LYPD1: variants seen among roughly 807,000 people sequenced by gnomAD.
LYPD1 encodes the protein ly6/PLAUR domain-containing protein 1.
LYPD1 carries 14 observed loss-of-function variants against 14.2 expected under a neutral mutation model. The ratio of observed to expected loss-of-function variants is 0.99; its 90% CI spans 0.65 to 1.54. LYPD1 has a LOEUF of 1.54. LYPD1 is among the 40% of genes most tolerant of loss of function. The pLI, the probability that LYPD1 is intolerant of heterozygous loss-of-function variation, is 0.00. For missense variants in LYPD1, 165 were observed against 175.7 expected, an observed-to-expected ratio of 0.94 and a Z score of 0.34; for synonymous variants, 85 against 70.6, an observed-to-expected ratio of 1.20 and a Z score of -1.02.
intron 2 of LYPD1, among the ~76,000 whole-genome samples, chr2:132,649,833 A>G (rs559201641): frequency 3.4e-4 from 51 of 151,696 alleles, no homozygotes; most frequent in African/African-American, 1.1e-3. Context: ...ATGTTGGGGG[A>G]TAAAAACCCC....
chr2:132,670,109 GC>G lies in LYPD1; in HGVS notation c.-178del. On this transcript the variant is annotated 5_prime_UTR_variant, in exon 1 of 3. Coordinates refer to ENST00000397463, the MANE Select transcript of LYPD1 (RefSeq NM_144586.7). The surrounding 1 kb of genome is among the most constrained non-coding windows in gnomAD (Gnocchi z 4.5). ...AGGTGCCGCTCGCGGAGCCTGCATC[GC>G]CCGCGCTCGGGCTCCCGGCTGCGGG... 1 of 1,429,082 alleles carries G rather than the reference GC, an allele frequency of 7.0e-7. No individual in the cohort carries two copies. Among genetic ancestry groups the G allele is most frequent in the Non-Finnish European group, 9.1e-7 (1 of 1,101,900 alleles). 88.5% of individuals were successfully genotyped at this position (1,429,082 alleles called of 1,614,324 possible).
In LYPD1 at chr2:132,645,031, A is replaced by T; in HGVS notation, c.*1014T>A. ...GAGGGGCTAAATATTTTATGGTTTT[A>T]TTCATTTACTGTGTTCTCATGCTGT... On this transcript the variant is annotated 3_prime_UTR_variant, in exon 3 of 3. Coordinates refer to ENST00000397463, the MANE Select transcript of LYPD1 (RefSeq NM_144586.7). 1.3e-6 allele frequency: 2 copies of T among 1,508,642 alleles called. No individual in the cohort carries two copies. Among genetic ancestry groups the T allele is most frequent in the Non-Finnish European group, 1.8e-6 (2 of 1,117,346 alleles). 93.5% of individuals were successfully genotyped at this position (1,508,642 alleles called of 1,614,324 possible).
chr2:132,655,441 G>A (rs2435612), intron 2 of LYPD1, among the ~76,000 whole-genome samples: 91,307 of 151,000 alleles, frequency 0.6, 27,794 homozygotes, highest in East Asian at 0.67. Flanking sequence ...CCCAGTAGGT[G>A]CCATTTGTCC....
At chr2:132,662,359 G>A (rs60732146) in intron 2 of LYPD1, among the ~76,000 whole-genome samples, 1 of 152,174 alleles carries the variant, frequency 6.6e-6, no homozygotes, top group Non-Finnish European at 1.5e-5. Context: ...TACAAGGGGG[G>A]AGGCTAAGCC....
chr2:132,665,806 C>T (rs1292404556), intron 2 of LYPD1, among the ~76,000 whole-genome samples: 1 of 152,190 alleles, frequency 6.6e-6, no homozygotes, highest in African/African-American at 2.4e-5. Context: ...AAATGGGCTT[C>T]TTTAAGCAGA....
At chr2:132,651,249 TC>T (rs1380462418) in intron 2 of LYPD1, among the ~76,000 whole-genome samples, 2 of 152,190 alleles carry the variant, frequency 1.3e-5, no homozygotes, top group Non-Finnish European at 2.9e-5. Flanking sequence ...TCAAATGGCT[TC>T]TTTCTCTGTG....
Position 132,669,843 on chromosome 2 carries a change from G to T in LYPD1, c.52+38C>A, listed in dbSNP as rs768045819. Reference sequence around the variant, plus strand: ...GGGCTGGCGGGTAGATGGATTGTGCGCACCTGGCCTCGGCTGCTGGCCTCT... The same window carrying T: ...GGGCTGGCGGGTAGATGGATTGTGCTCACCTGGCCTCGGCTGCTGGCCTCT... On this transcript the variant is annotated intron_variant, in intron 1 of 2. Transcript: ENST00000397463. The surrounding 1 kb of genome is among the most constrained non-coding windows in gnomAD (Gnocchi z 4.3). 27 of 1,608,710 alleles carry T rather than the reference G, an allele frequency of 1.7e-5. No homozygotes were observed. The highest frequency in any genetic ancestry group is 2.3e-5 in the Non-Finnish European group (27 of 1,177,460).
At chr2:132,650,923 G>C (rs886526813) in intron 2 of LYPD1, among the ~76,000 whole-genome samples, 22 of 152,116 alleles carry the variant, frequency 1.4e-4, no homozygotes, top group African/African-American at 5.3e-4. Flanking sequence ...ATATGTTGTG[G>C]AGCTGGGATT....
chr2:132,654,563 A>G (rs981642731), intron 2 of LYPD1, among the ~76,000 whole-genome samples: 3 of 152,072 alleles, frequency 2.0e-5, no homozygotes, highest in Non-Finnish European at 4.4e-5. Flanking sequence ...AGCCCCAACC[A>G]TCTGTGCTAT....
At chr2:132,667,055 G>A (rs1002599061) in intron 2 of LYPD1, 5 of 152,162 alleles carry the variant, frequency 3.3e-5, no homozygotes, top group African/African-American at 9.7e-5. Context: ...CAGGTAAAAC[G>A]TAGGAAAGAA....
Position 132,652,508 on chromosome 2 carries a change from C to T in LYPD1, c.191-6228G>A, listed in dbSNP as rs551955933. Among the ~76,000 whole-genome samples the T allele has an allele frequency of 9.2e-5, 14 of 152,278 alleles. No individual in the cohort carries two copies. In the South Asian group the frequency reaches 2.1e-3, roughly 23 times the overall value. On this transcript the variant is annotated intron_variant, in intron 2 of 2. Coordinates refer to ENST00000397463, the MANE Select transcript of LYPD1 (RefSeq NM_144586.7). ...TGTGAGAGGCTCTGATCTTAGTTAACGCAGATGCAGACCCAGAGCTAGAAG... is the reference window on the plus strand; with the variant it reads ...TGTGAGAGGCTCTGATCTTAGTTAATGCAGATGCAGACCCAGAGCTAGAAG...
At chr2:132,661,174 A>G (rs1273655001) in intron 2 of LYPD1, among the ~76,000 whole-genome samples, 1 of 152,194 alleles carries the variant, frequency 6.6e-6, no homozygotes, top group Non-Finnish European at 1.5e-5. Flanking sequence ...GGGACCACCA[A>G]CAGGGGCCTC....
intron 2 of LYPD1, 88 bp from the exon 3 acceptor site, chr2:132,646,368 T>G: frequency 1.2e-6 from 1 of 847,420 alleles, no homozygotes; most frequent in East Asian, 3.2e-5. Flanking sequence ...CGGACAGCTC[T>G]TCCTTACTCC....
rs187330028 is a variant in LYPD1, at chr2:132,648,765, A to G, written c.191-2485T>C. On this transcript the variant is annotated intron_variant, in intron 2 of 2. Coordinates refer to ENST00000397463, the MANE Select transcript of LYPD1 (RefSeq NM_144586.7). ...TGGTTCAGGAACTGAGGGCACCACA[A>G]TGAGGCTTTCTGAAGGGGAAGGTTG... is the stretch of plus-strand genomic sequence containing the variant. Among the ~76,000 whole-genome samples the G allele has an allele frequency of 2.4e-3, 360 of 152,266 alleles. 3 individuals carry two copies. Among genetic ancestry groups the G allele is most frequent in the South Asian group, 8.5e-3 (41 of 4,818 alleles).
At chr2:132,652,605 C>T (rs372155994) in intron 2 of LYPD1, among the ~76,000 whole-genome samples, 8 of 152,274 alleles carry the variant, frequency 5.3e-5, no homozygotes, top group East Asian at 3.9e-4. Context: ...AGCTCCCAGC[C>T]GCCCTACCCT....
At chr2:132,650,433 C>G (rs893818557) in intron 2 of LYPD1, among the ~76,000 whole-genome samples, 54 of 152,322 alleles carry the variant, frequency 3.5e-4, no homozygotes, top group African/African-American at 1.3e-3. Flanking sequence ...TGCATGTACT[C>G]TGTGACCTAG....
At position 132,646,742 on chromosome 2, in the gene LYPD1, G is replaced by GTTCT. The variant is rs916393910; in HGVS notation, c.191-466_191-463dup. Among the ~76,000 whole-genome samples the GTTCT allele has an allele frequency of 4.6e-5, 7 of 152,088 alleles. 1 individual carries two copies. The highest frequency in any genetic ancestry group is 4.1e-4 in the South Asian group (2 of 4,836). On this transcript the variant is annotated intron_variant, in intron 2 of 2. Transcript: ENST00000397463. ...AACTATGTGTTGATGAAATCCTGGA[G>GTTCT]TTCTTTGAAGACAGACCAAATCCCG... is the stretch of plus-strand genomic sequence containing the variant.
At chr2:132,664,800 C>A (rs1229804359) in intron 2 of LYPD1, among the ~76,000 whole-genome samples, 1 of 152,190 alleles carries the variant, frequency 6.6e-6, no homozygotes, top group Non-Finnish European at 1.5e-5. Flanking sequence ...AATTCACATT[C>A]TTTATTCCCT....
intron 2 of LYPD1, among the ~76,000 whole-genome samples, chr2:132,654,609 C>G (rs1424305839): frequency 6.6e-6 from 1 of 152,086 alleles, no homozygotes; most frequent in Non-Finnish European, 1.5e-5. Flanking sequence ...GGCTTGGAGG[C>G]TCCTGAAATG....
Sources: allele counts gnomAD v4.1 joint callset (sites outside exome capture counted in the v4.1 genomes callset), GRCh38; gene constraint gnomAD v4.1.1; non-coding constraint Gnocchi (gnomAD v3.1); transcripts MANE v1.5; gene names NCBI Gene and HGNC (gene_info 2026-07-23, HGNC 2026-07-21).